Variants in SPATA6L observed in about 807,000 individuals in gnomAD.
SPATA6L encodes the protein spermatogenesis associated 6-like protein.
Under a neutral mutation model 49.2 loss-of-function variants are expected in SPATA6L, and 68 were observed. The ratio of observed to expected loss-of-function variants is 1.38; its 90% CI spans 1.14 to 1.69. The LOEUF (loss-of-function observed/expected upper bound fraction) is 1.69, where lower values mean the gene tolerates loss of function less well. SPATA6L is among the 40% of genes most tolerant of loss of function. The pLI is 0.00. For missense variants in SPATA6L, 668 were observed against 464.3 expected (o/e 1.44, Z -4.03); for synonymous variants, 198 against 165.7 (o/e 1.19, Z -1.50).
chr9:4,595,586 ACATATGCTT>A (rs1822195801), downstream of SPATA6L, among the ~76,000 whole-genome samples: 2 of 152,140 alleles, frequency 1.3e-5, no homozygotes, highest in Non-Finnish European at 2.9e-5. Flanking sequence ...TTCTCTATAT[ACATATGCTT>A]CATTATACTC....
Position 4,602,287 on chromosome 9 carries a change from T to C in SPATA6L, c.*2-1478A>G, listed in dbSNP as rs538702442. Among the ~76,000 whole-genome samples the C allele has an allele frequency of 2.0e-5, 3 of 152,278 alleles. No homozygotes were observed. The South Asian group carries it at 6.2e-4, about 32-fold the overall frequency. ...TGATAATCATGTGGGCTATGTTCCGTATAACCACCTAAATAATTGCCTAGA... is the reference window on the plus strand; with the variant it reads ...TGATAATCATGTGGGCTATGTTCCGCATAACCACCTAAATAATTGCCTAGA... On this transcript the variant is annotated intron_variant, in intron 11 of 11. Coordinates refer to ENST00000682582, the MANE Select transcript of SPATA6L (RefSeq NM_001353486.2).
chr9:4,655,111 T>C lies in SPATA6L; in HGVS notation c.226+930A>G, dbSNP rs185076053. 5.3e-5 allele frequency among the ~76,000 whole-genome samples: 8 copies of C among 152,328 alleles called. No homozygotes were observed. In the East Asian group the frequency reaches 1.5e-3, roughly 29 times the overall value. On this transcript the variant is annotated intron_variant, in intron 3 of 11. Transcript: ENST00000682582. ...TATACACAAATATTCACAGCATCAT[T>C]ATTCATCATAGCCTAAAAGTGGAAA...
chr9:4,661,846 G>T, intron 2 of SPATA6L, 53 bp downstream of exon 2: 1 of 1,589,070 alleles, frequency 6.3e-7, no homozygotes, highest in Non-Finnish European at 8.6e-7. Context: ...TTCTTTATAA[G>T]AACTCTCAGG....
intron 1 of SPATA6L, chr9:4,663,239 C>CT: frequency 6.2e-7 from 1 of 1,613,892 alleles, no homozygotes; most frequent in Non-Finnish European, 8.5e-7. Flanking sequence ...CTCCGGTCCT[C>CT]TTTTTACTGT....
At chr9:4,606,688 T>C (rs1486007876) in intron 9 of SPATA6L, among the ~76,000 whole-genome samples, 10 of 127,066 alleles carry the variant, frequency 7.9e-5, no homozygotes, top group Admixed American at 8.5e-5. Context: ...ACCACAAAGA[T>C]GGGGAAAAAA....
chr9:4,664,467 C>T (rs1840552968), intron 1 of SPATA6L: 1 of 167,042 alleles, frequency 6.0e-6, no homozygotes. Context: ...TCCAAAATTT[C>T]TGTTTACATT....
downstream of SPATA6L, among the ~76,000 whole-genome samples, chr9:4,597,455 C>T (rs1041614904): frequency 3.3e-5 from 5 of 152,082 alleles, no homozygotes; most frequent in East Asian, 9.6e-4. Flanking sequence ...GGACTAGAAA[C>T]TCCTCATTTT....
chr9:4,659,407 G>A (rs771932672), intron 2 of SPATA6L, among the ~76,000 whole-genome samples: 13 of 151,722 alleles, frequency 8.6e-5, no homozygotes, highest in Non-Finnish European at 1.9e-4. Context: ...GCGAAATCAT[G>A]AGTGAACTCC....
At chr9:4,641,968 A>G (rs998280674) in intron 3 of SPATA6L, among the ~76,000 whole-genome samples, 2 of 152,170 alleles carry the variant, frequency 1.3e-5, no homozygotes, top group Non-Finnish European at 2.9e-5. Flanking sequence ...AGGTTTCACC[A>G]TGTTTCCCGG....
At chr9:4,629,659 A>G (rs916054341) in intron 4 of SPATA6L, among the ~76,000 whole-genome samples, 1 of 151,458 alleles carries the variant, frequency 6.6e-6, no homozygotes, top group Admixed American at 6.6e-5. Context: ...ATTTATATTC[A>G]TTAGATCTAA....
chr9:4,626,800 G>C (rs1830433123), intron 5 of SPATA6L: 1 of 223,564 alleles, frequency 4.5e-6, no homozygotes, highest in African/African-American at 2.3e-5. Flanking sequence ...ATGAAGCCAT[G>C]AAAAATTGTC....
chr9:4,636,197 G>A (rs1832775868), intron 3 of SPATA6L, among the ~76,000 whole-genome samples: 1 of 151,706 alleles, frequency 6.6e-6, no homozygotes, highest in African/African-American at 2.4e-5. Flanking sequence ...GTTTTGTTTG[G>A]ATCTTTAACC....
At chr9:4,666,069 AAAAG>A in intron 1 of SPATA6L, 139 bp downstream of exon 1, 2 of 768,740 alleles carry the variant, frequency 2.6e-6, no homozygotes, top group South Asian at 1.5e-5. Context: ...AATATGGAGA[AAAAG>A]ACAAAGGTGC....
At position 4,662,232 on chromosome 9, in the gene SPATA6L, G is replaced by A; in HGVS notation, c.40-196C>T. 1.4e-6 allele frequency: 2 copies of A among 1,432,750 alleles called. No individual in the cohort carries two copies. The highest frequency in any genetic ancestry group is 1.8e-6 in the Non-Finnish European group (2 of 1,098,572). The allele number at this position is 1,432,750 out of a possible 1,614,324, so 88.8% of individuals were successfully genotyped here. On this transcript the variant is annotated intron_variant, in intron 1 of 11. Coordinates refer to ENST00000682582, the MANE Select transcript of SPATA6L (RefSeq NM_001353486.2). This position sits in a 1 kb window ranked among gnomAD's most constrained non-coding sequence, Gnocchi z 4.9. ...ATTGGAAATTCCAACTCCCTCCCAC[G>A]TCTCCACCAGGTGTCACAATCGCGC...
At chr9:4,629,070 C>A in intron 5 of SPATA6L, 21 bp downstream of exon 5, 2 of 1,522,898 alleles carry the variant, frequency 1.3e-6, no homozygotes. Flanking sequence ...ATTTCTATCA[C>A]TAGATTTGTA....
chr9:4,608,441 C>G (rs1825851204), intron 9 of SPATA6L, among the ~76,000 whole-genome samples: 1 of 96,044 alleles, frequency 1.0e-5, no homozygotes, highest in African/African-American at 5.5e-5. Context: ...TTATAACAAA[C>G]TATCTCTCAG....
At chr9:4,628,429 G>A (rs1489485353) in intron 5 of SPATA6L, 1 of 151,864 alleles carries the variant, frequency 6.6e-6, no homozygotes, top group Non-Finnish European at 1.5e-5. Context: ...TTTATTTTAT[G>A]TTTATTATTT....
intron 3 of SPATA6L, among the ~76,000 whole-genome samples, chr9:4,649,615 T>C (rs1277074242): frequency 1.3e-5 from 2 of 152,228 alleles, no homozygotes; most frequent in Admixed American, 6.5e-5. Flanking sequence ...TGTCCTCTTA[T>C]CCGCAAGATA....
chr9:4,646,478 C>T (rs1220537710), intron 3 of SPATA6L: 5 of 1,510,576 alleles, frequency 3.3e-6, no homozygotes, highest in Middle Eastern at 1.7e-4. Context: ...GGATTTACTG[C>T]CACATTACCT....
Sources: allele counts gnomAD v4.1 joint callset (sites outside exome capture counted in the v4.1 genomes callset), GRCh38; gene constraint gnomAD v4.1.1; non-coding constraint Gnocchi (gnomAD v3.1); transcripts MANE v1.5; gene names NCBI Gene and HGNC (gene_info 2026-07-23, HGNC 2026-07-21).